Variants in MINDY4 observed in about 807,000 individuals in gnomAD.
The protein encoded by MINDY4 is MINDY lysine 48 deubiquitinase 4.
In MINDY4, 68 loss-of-function variants were observed where a neutral mutation model predicts 87.0. The ratio of observed to expected loss-of-function variants is 0.78; its 90% CI spans 0.64 to 0.96. MINDY4 has a LOEUF of 0.96. Among genes scored for constraint, MINDY4 ranks in the 40% least tolerant of loss-of-function variants. The pLI is 0.00. For synonymous variants in MINDY4, 379 were observed against 363.2 expected (o/e 1.04, Z -0.50); for missense variants, 919 against 928.2 (o/e 0.99, Z 0.13).
At chr7:30,790,085 T>C (rs1293474451) in intron 4 of MINDY4, among the ~76,000 whole-genome samples, 1 of 152,252 alleles carries the variant, frequency 6.6e-6, no homozygotes, top group Non-Finnish European at 1.5e-5. Context: ...GAGCGTTTGC[T>C]GACTGCTGCA....
At chr7:30,854,095 G>C (rs185057515) in intron 12 of MINDY4, among the ~76,000 whole-genome samples, 1 of 152,194 alleles carries the variant, frequency 6.6e-6, no homozygotes, top group African/African-American at 2.4e-5. Flanking sequence ...CAGAGCTGTG[G>C]TATCACAGAC....
chr7:30,829,088 G>T (rs1218551308), intron 6 of MINDY4, among the ~76,000 whole-genome samples: 2 of 152,118 alleles, frequency 1.3e-5, no homozygotes, highest in Non-Finnish European at 2.9e-5. Flanking sequence ...TATCAGTATA[G>T]CTCTGGCTGG....
chr7:30,880,302 A>ACCCCCC (rs113190113), intron 15 of MINDY4, among the ~76,000 whole-genome samples: 6 of 72,018 alleles, frequency 8.3e-5, no homozygotes, highest in African/African-American at 1.6e-4. Context: ...CCTCCCCCGC[A>ACCCCCC]CCCCCCCCCA....
At chr7:30,819,911 T>C (rs1245238244) in intron 5 of MINDY4, among the ~76,000 whole-genome samples, 1 of 139,720 alleles carries the variant, frequency 7.2e-6, no homozygotes, top group Non-Finnish European at 1.5e-5. Context: ...TTTTTTTTTT[T>C]TTTTTTTTGA....
intron 5 of MINDY4, among the ~76,000 whole-genome samples, chr7:30,797,611 TG>T (rs1787527987): frequency 6.6e-6 from 1 of 152,180 alleles, no homozygotes; most frequent in South Asian, 2.1e-4. Context: ...CTTGGTCATG[TG>T]GGGCCTGGAA....
intron 5 of MINDY4, among the ~76,000 whole-genome samples, chr7:30,822,434 G>A (rs1018228861): frequency 1.3e-5 from 2 of 152,070 alleles, no homozygotes; most frequent in African/African-American, 4.8e-5. Flanking sequence ...GCCTCCTAAA[G>A]TGTTGGGATT....
At chr7:30,871,997 G>A (rs1790119945) in intron 13 of MINDY4, among the ~76,000 whole-genome samples, 2 of 152,120 alleles carry the variant, frequency 1.3e-5, no homozygotes, top group South Asian at 2.1e-4. Flanking sequence ...GCCCTGGTGC[G>A]GCTGGAGTGG....
chr7:30,831,374 C>A (rs779274600), intron 6 of MINDY4, among the ~76,000 whole-genome samples: 2 of 152,134 alleles, frequency 1.3e-5, no homozygotes, highest in Non-Finnish European at 2.9e-5. Flanking sequence ...AGGGGTGGGG[C>A]CTTAGTCATC....
At chr7:30,878,048 GC>G (rs1406504908) in intron 15 of MINDY4, among the ~76,000 whole-genome samples, 18 of 151,668 alleles carry the variant, frequency 1.2e-4, no homozygotes, top group Non-Finnish European at 1.0e-4. Flanking sequence ...TACACAGTTA[GC>G]CACATTGGAC....
chr7:30,866,882 T>C (rs1789952562), intron 13 of MINDY4, among the ~76,000 whole-genome samples: 1 of 152,056 alleles, frequency 6.6e-6, no homozygotes. Flanking sequence ...TCCTTGCAGG[T>C]CCCTCTTTTT....
At chr7:30,776,471 C>A (rs181849087) in intron 1 of MINDY4, among the ~76,000 whole-genome samples, 1 of 152,332 alleles carries the variant, frequency 6.6e-6, no homozygotes, top group African/African-American at 2.4e-5. Context: ...CTAGCCCTCT[C>A]TGTCTCCTTA....
chr7:30,785,632 T>C, intron 3 of MINDY4, 117 bp from the exon 4 acceptor site: 1 of 1,246,372 alleles, frequency 8.0e-7, no homozygotes, highest in Non-Finnish European at 1.1e-6. Flanking sequence ...TGGTTAGAAG[T>C]CATCATAGAT....
intron 5 of MINDY4, among the ~76,000 whole-genome samples, chr7:30,817,434 G>C (rs1046687748): frequency 1.5e-4 from 20 of 133,254 alleles, no homozygotes; most frequent in Non-Finnish European, 4.6e-5. Flanking sequence ...ATATCAACTT[G>C]CCCTCAGGGA....
intron 15 of MINDY4, among the ~76,000 whole-genome samples, chr7:30,875,993 C>T (rs1354528988): frequency 6.6e-6 from 1 of 152,192 alleles, no homozygotes; most frequent in Non-Finnish European, 1.5e-5. Context: ...GGTCTTAGGC[C>T]TCGTGTTAGT....
intron 5 of MINDY4, among the ~76,000 whole-genome samples, chr7:30,828,348 G>T (rs1430384307): frequency 6.7e-6 from 1 of 149,300 alleles, no homozygotes; most frequent in Non-Finnish European, 1.5e-5. Context: ...GTGTGTGTGT[G>T]TTTCCCAGAA....
intron 9 of MINDY4, among the ~76,000 whole-genome samples, chr7:30,841,174 T>A (rs1789023752): frequency 6.6e-6 from 1 of 152,158 alleles, no homozygotes. Context: ...CCTGCCGACC[T>A]TTCGACTGCG....
At chr7:30,837,953 T>A (rs1788910720) in intron 7 of MINDY4, among the ~76,000 whole-genome samples, 1 of 152,210 alleles carries the variant, frequency 6.6e-6, no homozygotes, top group South Asian at 2.1e-4. Context: ...AAAGAGATTT[T>A]TCCTTATATT....
At chr7:30,841,428 C>A (rs1789034251) in intron 9 of MINDY4, among the ~76,000 whole-genome samples, 1 of 152,340 alleles carries the variant, frequency 6.6e-6, no homozygotes, top group Admixed American at 6.5e-5. Flanking sequence ...TCCAGAAATG[C>A]TCCATGAGGT....
intron 17 of MINDY4, among the ~76,000 whole-genome samples, chr7:30,887,702 CCA>C (rs1273601742): frequency 1.3e-5 from 2 of 152,194 alleles, no homozygotes; most frequent in African/African-American, 4.8e-5. Context: ...CCCCCACCTG[CCA>C]CCTCCACCTG....
Sources: gnomAD v4.1 joint callset for allele counts (sites outside exome capture counted in the v4.1 genomes callset) on GRCh38, gnomAD v4.1.1 for gene constraint, MANE v1.5 for transcripts, NCBI Gene and HGNC (gene_info 2026-07-23, HGNC 2026-07-21) for gene names.